Variants in NTRK3 observed in about 807,000 individuals in gnomAD.
NTRK3 encodes NT-3 growth factor receptor.
NTRK3 carries 24 observed loss-of-function variants against 91.7 expected under a neutral mutation model. The ratio of observed to expected loss-of-function variants is 0.26; its 90% confidence interval spans 0.19 to 0.37. The LOEUF is 0.37. NTRK3 is among the 10% of genes least tolerant of loss of function. The probability of loss-of-function intolerance (pLI) is 1.00; values close to 1 mark genes in which losing one functional copy is unlikely to be tolerated. For synonymous variants in NTRK3, 483 were observed against 404.0 expected (o/e 1.20, Z -2.34); for missense variants, 880 against 1,068.9 (o/e 0.82, Z 2.46).
intron 13 of NTRK3, among the ~76,000 whole-genome samples, chr15:88,054,259 G>A (rs1374244717): frequency 1.3e-5 from 2 of 152,184 alleles, no homozygotes; most frequent in Non-Finnish European, 2.9e-5. Flanking sequence ...CCATTTGTTG[G>A]AAAGTTAATA....
At chr15:88,253,191 G>T (rs1239919676) in intron 3 of NTRK3, 1 of 152,236 alleles carries the variant, frequency 6.6e-6, no homozygotes, top group Admixed American at 6.5e-5. Context: ...GGAGCTAGGG[G>T]ACCTCTTGGT....
chr15:87,978,736 A>G, intron 14 of NTRK3: 1 of 233,706 alleles, frequency 4.3e-6, no homozygotes, highest in South Asian at 1.8e-4. Context: ...AAAAATAAAA[A>G]TGTAAAGTGA....
At chr15:87,870,309 T>A (rs917462780) in exon 19 of NTRK3, 2 of 190,908 alleles carry the variant, frequency 1.0e-5, no homozygotes, top group Non-Finnish European at 2.2e-5. Context: ...TGGAGACCAC[T>A]ATTCTAAGTG....
rs1019813700 is a variant in NTRK3, at chr15:88,240,215, A to G, written c.248+15691T>C. The stretch of plus-strand genomic sequence containing the variant: ...ATCCCGTCCCCAGCCACCGCCATAG[A>G]AACATCACAAGTCAGAGCTGGAAGG... On this transcript the variant is annotated intron_variant, in intron 3 of 18. Coordinates refer to ENST00000394480, the Ensembl canonical transcript of NTRK3. This position sits in a 1 kb window ranked among gnomAD's most constrained non-coding sequence, Gnocchi z 4.9. 1.3e-4 allele frequency among the ~76,000 whole-genome samples: 20 copies of G among 151,734 alleles called. No individual in the cohort carries two copies. Among genetic ancestry groups the G allele is most frequent in the African/African-American group, 4.6e-4 (19 of 41,318 alleles).
chr15:88,016,956 T>TAAAAAA, intron 14 of NTRK3, among the ~76,000 whole-genome samples: 1 of 84,324 alleles, frequency 1.2e-5, no homozygotes, highest in Non-Finnish European at 2.2e-5. Flanking sequence ...AGACGAAGCT[T>TAAAAAA]AAAAAAAAAA....
At chr15:88,100,210 C>T (rs2050029262) in intron 13 of NTRK3, among the ~76,000 whole-genome samples, 1 of 152,156 alleles carries the variant, frequency 6.6e-6, no homozygotes. Context: ...GAAAGGGAGA[C>T]ACACACAGCA....
chr15:88,003,740 A>G (rs1050270367), intron 14 of NTRK3, among the ~76,000 whole-genome samples: 9 of 152,200 alleles, frequency 5.9e-5, no homozygotes, highest in African/African-American at 1.9e-4. Context: ...CACTTTCTCC[A>G]TAAGGAAAAG....
intron 14 of NTRK3, among the ~76,000 whole-genome samples, chr15:87,954,601 ATAT>A (rs1267655524): frequency 6.6e-6 from 1 of 152,242 alleles, no homozygotes; most frequent in Non-Finnish European, 1.5e-5. Context: ...GGAAAAAAAA[ATAT>A]TATCTGCAAC....
chr15:88,101,127 G>A (rs1200162722), intron 13 of NTRK3, among the ~76,000 whole-genome samples: 1 of 151,956 alleles, frequency 6.6e-6, no homozygotes, highest in East Asian at 1.9e-4. Flanking sequence ...TCTGACAAAG[G>A]GCTAATATCC....
chr15:88,034,173 G>C (rs2078864797), intron 13 of NTRK3, among the ~76,000 whole-genome samples: 1 of 152,136 alleles, frequency 6.6e-6, no homozygotes, highest in Non-Finnish European at 1.5e-5. Flanking sequence ...TGTGGGCCTG[G>C]ACCTAAGCTG....
intron 5 of NTRK3, among the ~76,000 whole-genome samples, chr15:88,168,033 T>G (rs1157935893): frequency 6.6e-6 from 1 of 152,200 alleles, no homozygotes; most frequent in Non-Finnish European, 1.5e-5. Flanking sequence ...ATTAGATGAC[T>G]TGACCAAGAT....
chr15:87,865,177 C>G (rs1162195565), exon 19 of NTRK3: 2 of 207,660 alleles, frequency 9.6e-6, no homozygotes, highest in Non-Finnish European at 9.8e-6. Flanking sequence ...CTGGAGTGAT[C>G]AAAATACTTT....
intron 14 of NTRK3, among the ~76,000 whole-genome samples, chr15:88,026,504 G>T (rs2078050215): frequency 6.6e-6 from 1 of 152,092 alleles, no homozygotes; most frequent in Non-Finnish European, 1.5e-5. Flanking sequence ...ACAGATGGAG[G>T]ACAGCGGACA....
chr15:88,137,349 G>C, intron 7 of NTRK3, 55 bp downstream of exon 7: 1 of 1,597,438 alleles, frequency 6.3e-7, no homozygotes, highest in Non-Finnish European at 8.5e-7. Context: ...CACCATCTCT[G>C]GTGTCTGAGG....
intron 14 of NTRK3, among the ~76,000 whole-genome samples, chr15:87,965,815 T>C (rs556994889): frequency 1.3e-5 from 2 of 152,290 alleles, no homozygotes; most frequent in East Asian, 3.9e-4. Flanking sequence ...AGGTGGCTCA[T>C]GTGTGTAATC....
intron 14 of NTRK3, among the ~76,000 whole-genome samples, chr15:87,956,051 A>T (rs2071622207): frequency 6.6e-6 from 1 of 152,002 alleles, no homozygotes. Context: ...GGTACTGGGA[A>T]GGTGTGTGTA....
intron 14 of NTRK3, among the ~76,000 whole-genome samples, chr15:87,941,869 T>G (rs1309766930): frequency 6.6e-6 from 1 of 152,250 alleles, no homozygotes; most frequent in Non-Finnish European, 1.5e-5. Context: ...GATTACTCAC[T>G]GACCTTTACA....
intron 13 of NTRK3, among the ~76,000 whole-genome samples, chr15:88,095,271 C>T (rs1344481124): frequency 1.3e-5 from 2 of 152,180 alleles, no homozygotes; most frequent in African/African-American, 4.8e-5. Flanking sequence ...GAGAAAATGT[C>T]TCAACAAAGA....
At chr15:88,051,986 A>G (rs979209891) in intron 13 of NTRK3, among the ~76,000 whole-genome samples, 3 of 152,254 alleles carry the variant, frequency 2.0e-5, no homozygotes, top group Non-Finnish European at 4.4e-5. Context: ...GAAGAGCACC[A>G]TAATTGAAAG....
Sources: allele counts gnomAD v4.1 joint callset (sites outside exome capture counted in the v4.1 genomes callset), GRCh38; gene constraint gnomAD v4.1.1; non-coding constraint Gnocchi (gnomAD v3.1); transcripts MANE v1.5; gene names NCBI Gene and HGNC (gene_info 2026-07-23, HGNC 2026-07-21).